XKR4: variants seen among roughly 807,000 people sequenced by gnomAD.
The protein encoded by XKR4 is XK-related protein 4.
A neutral mutation model predicts 53.9 loss-of-function variants in XKR4; 12 were observed. The observed-to-expected ratio is 0.22, with a 90% CI of 0.14 to 0.36. The LOEUF (loss-of-function observed/expected upper bound fraction) is 0.36, where lower values mean the gene tolerates loss of function less well. Among genes scored for constraint, XKR4 ranks in the 10% least tolerant of loss-of-function variants. The pLI is 1.00. For missense variants in XKR4, 799 were observed against 859.5 expected (o/e 0.93, Z 0.88); for synonymous variants, 354 against 362.4 (o/e 0.98, Z 0.26).
intron 1 of XKR4, among the ~76,000 whole-genome samples, chr8:55,179,152 A>T (rs1817274974): frequency 6.6e-6 from 1 of 152,200 alleles, no homozygotes; most frequent in East Asian, 1.9e-4. Flanking sequence ...AGTAGAAAAA[A>T]ATCCTGACAA....
intron 1 of XKR4, among the ~76,000 whole-genome samples, chr8:55,170,341 T>C (rs1817140989): frequency 6.6e-6 from 1 of 152,156 alleles, no homozygotes; most frequent in Non-Finnish European, 1.5e-5. Context: ...TAGGGGTGTG[T>C]TGTCATCATA....
chr8:55,524,337 G>C lies in XKR4; in HGVS notation c.*110G>C. The C allele has an allele frequency of 8.3e-6, 9 of 1,079,956 alleles. 1 individual carries two copies. In the South Asian group the frequency reaches 1.5e-4, roughly 17 times the overall value. The allele number at this position is 1,079,956 out of a possible 1,614,324, so 66.9% of individuals were successfully genotyped here. On this transcript the variant is annotated 3_prime_UTR_variant, in exon 3 of 3. Coordinates refer to ENST00000327381, the MANE Select transcript of XKR4 (RefSeq NM_052898.2). Reference sequence around the variant, plus strand: ...AGGGCAGTGAGCCGTGAAGTTCCTAGTGGGACCGTCATCACCATTATCATT... The same window carrying C: ...AGGGCAGTGAGCCGTGAAGTTCCTACTGGGACCGTCATCACCATTATCATT...
rs144537431 is a variant in XKR4 at position 55,329,694 on chromosome 8, G to C, written c.807-27984G>C. Among the ~76,000 whole-genome samples the C allele has an allele frequency of 2.7e-3, 415 of 152,234 alleles. 3 individuals are homozygous for C. In the East Asian group the frequency reaches 0.045, roughly 17 times the overall value. Reference sequence around the variant, plus strand: ...CCTTGTTCCTTCTCTAAAATGTATTGAGGTTTCCAAGTTCCATATGTTATA... The same window carrying C: ...CCTTGTTCCTTCTCTAAAATGTATTCAGGTTTCCAAGTTCCATATGTTATA... On this transcript the variant is annotated intron_variant, in intron 1 of 2. Transcript: ENST00000327381.
chr8:55,395,431 C>G (rs1804503388), intron 2 of XKR4, among the ~76,000 whole-genome samples: 1 of 151,946 alleles, frequency 6.6e-6, no homozygotes, highest in Admixed American at 6.6e-5. Flanking sequence ...ATTGAGAAAT[C>G]ATAAGTCATG....
intron 1 of XKR4, among the ~76,000 whole-genome samples, chr8:55,288,765 A>T (rs1047274859): frequency 8.1e-4 from 124 of 152,302 alleles, no homozygotes; most frequent in African/African-American, 2.9e-3. Context: ...AAACTTGAGG[A>T]CAATAATCCA....
At chr8:55,381,762 C>A (rs548845813) in intron 2 of XKR4, among the ~76,000 whole-genome samples, 1 of 152,192 alleles carries the variant, frequency 6.6e-6, no homozygotes, top group Non-Finnish European at 1.5e-5. Context: ...CCAGATATCC[C>A]TTAATTAAGT....
rs118091749 is a variant in XKR4, at chr8:55,336,807, T to C, written c.807-20871T>C. On this transcript the variant is annotated intron_variant, in intron 1 of 2. Transcript: ENST00000327381. ...TGGGGGGTACACTACAATTCTCTAT[T>C]ATTAAACCATCAGCACCATGAGGTC... is the stretch of plus-strand genomic sequence containing the variant. Among the ~76,000 whole-genome samples the C allele has an allele frequency of 1.3e-4, 20 of 152,252 alleles. No homozygotes were observed. In the East Asian group the frequency reaches 3.9e-3, roughly 29 times the overall value.
intron 1 of XKR4, among the ~76,000 whole-genome samples, chr8:55,198,086 A>C (rs1464339607): frequency 6.6e-6 from 1 of 152,200 alleles, no homozygotes; most frequent in African/African-American, 2.4e-5. Flanking sequence ...TCTGTTCTTC[A>C]TGAAGCGCAG....
chr8:55,428,581 G>A (rs866278637), intron 2 of XKR4, among the ~76,000 whole-genome samples: 1 of 152,298 alleles, frequency 6.6e-6, no homozygotes, highest in South Asian at 2.1e-4. Flanking sequence ...GAAGAAGTCC[G>A]GACTTTCATC....
At chr8:55,496,924 A>G (rs2129402915) in intron 2 of XKR4, among the ~76,000 whole-genome samples, 1 of 152,340 alleles carries the variant, frequency 6.6e-6, no homozygotes, top group Admixed American at 6.5e-5. Context: ...TCAAATATCC[A>G]TACCAGCCTA....
At chr8:55,237,204 G>T (rs2129367717) in intron 1 of XKR4, among the ~76,000 whole-genome samples, 1 of 152,294 alleles carries the variant, frequency 6.6e-6, no homozygotes. Flanking sequence ...GTGCAACAGA[G>T]AATACAGTTG....
At chr8:55,265,324 C>T (rs1464320651) in intron 1 of XKR4, among the ~76,000 whole-genome samples, 1 of 152,218 alleles carries the variant, frequency 6.6e-6, no homozygotes, top group African/African-American at 2.4e-5. Flanking sequence ...ATGTCTGTTT[C>T]AGGGCTGAAG....
chr8:55,355,189 C>T (rs1803780483), intron 1 of XKR4, among the ~76,000 whole-genome samples: 1 of 151,682 alleles, frequency 6.6e-6, no homozygotes, highest in African/African-American at 2.4e-5. Context: ...CAGGTGTGAG[C>T]CACCATGCCC....
At chr8:55,116,756 C>T (rs1194810008) in intron 1 of XKR4, among the ~76,000 whole-genome samples, 1 of 152,152 alleles carries the variant, frequency 6.6e-6, no homozygotes, top group Non-Finnish European at 1.5e-5. Context: ...AGGGTTCCCT[C>T]CCCCATCTAT....
At chr8:55,393,973 A>G (rs1804481646) in intron 2 of XKR4, among the ~76,000 whole-genome samples, 2 of 152,230 alleles carry the variant, frequency 1.3e-5, no homozygotes, top group Admixed American at 1.3e-4. Context: ...ATGCCTTTAT[A>G]GGAACAATGA....
chr8:55,423,980 T>C (rs1234854408), intron 2 of XKR4, among the ~76,000 whole-genome samples: 1 of 152,162 alleles, frequency 6.6e-6, no homozygotes, highest in Admixed American at 6.5e-5. Context: ...ACCTTTCCTT[T>C]AGTAACTCCA....
At chr8:55,406,385 G>A (rs573389451) in intron 2 of XKR4, among the ~76,000 whole-genome samples, 3 of 152,178 alleles carry the variant, frequency 2.0e-5, no homozygotes, top group South Asian at 2.1e-4. Context: ...TTCAATCCTC[G>A]CATCACCTCT....
intron 1 of XKR4, among the ~76,000 whole-genome samples, chr8:55,134,722 C>T (rs112563279): frequency 3.3e-4 from 50 of 152,322 alleles, no homozygotes; most frequent in African/African-American, 1.2e-3. Context: ...ATATCTGTAA[C>T]CCTGCCTTGG....
rs1806894440 is a variant in XKR4 at position 55,527,446 on chromosome 8, T to C, written c.*3219T>C. ...TTTCTAAAGGAACAACATTGTAATT[T>C]GTTTTACTTTTAAACTTGCATTTCT... On this transcript the variant is annotated 3_prime_UTR_variant, in exon 3 of 3. Transcript: ENST00000327381. 6.6e-6 allele frequency: 1 copy of C among 152,230 alleles called. No individual in the cohort carries two copies. Among genetic ancestry groups the C allele is most frequent in the African/African-American group, 2.4e-5 (1 of 41,466 alleles). 9.4% of individuals were successfully genotyped at this position (152,230 alleles called of 1,614,324 possible). A position where few individuals can be genotyped will look rare whatever the true frequency, so the allele number is the denominator to read the frequency against.
Sources: gnomAD v4.1 joint callset for allele counts (sites outside exome capture counted in the v4.1 genomes callset) on GRCh38, gnomAD v4.1.1 for gene constraint, MANE v1.5 for transcripts, NCBI Gene and HGNC (gene_info 2026-07-23, HGNC 2026-07-21) for gene names.